Variants in FOXK1 observed in about 807,000 individuals in gnomAD.
The protein encoded by FOXK1 is forkhead box K1.
Under a neutral mutation model 51.9 loss-of-function variants are expected in FOXK1, and 19 were observed. That is an observed-to-expected ratio of 0.37 (90% CI 0.26 to 0.54). The LOEUF (loss-of-function observed/expected upper bound fraction) is 0.54. Ranked by LOEUF, FOXK1 falls within the 20% of genes least tolerant of loss-of-function variation. The pLI is 0.87. For missense variants in FOXK1, 870 were observed against 1,032.7 expected (o/e 0.84, Z 2.16); for synonymous variants, 537 against 482.6 (o/e 1.11, Z -1.48).
rs1358981797 is a variant in FOXK1 at position 4,709,662 on chromosome 7, A to G, written c.560+26794A>G. The stretch of plus-strand genomic sequence containing the variant: ...AATCATGAACTGGTTTTGCCGCAGT[A>G]AAGCGTAATTCACATGATACAAAAC... On this transcript the variant is annotated intron_variant, in intron 1 of 8. Coordinates refer to ENST00000328914, the MANE Select transcript of FOXK1 (RefSeq NM_001037165.2). This position sits in a 1 kb window ranked among gnomAD's most constrained non-coding sequence, Gnocchi z 5.6. Among the ~76,000 whole-genome samples, 1 of 152,250 alleles carries G rather than the reference A, an allele frequency of 6.6e-6. No homozygotes were observed. The highest frequency in any genetic ancestry group is 1.5e-5 in the Non-Finnish European group (1 of 68,044).
In FOXK1 at chr7:4,700,390, G is replaced by C. The variant is rs181997044; in HGVS notation, c.560+17522G>C. On this transcript the variant is annotated intron_variant, in intron 1 of 8. Coordinates refer to ENST00000328914, the MANE Select transcript of FOXK1 (RefSeq NM_001037165.2). Reference sequence around the variant, plus strand: ...CATTAGCTTAGCTTCTAAAGGTCTGGCTTTTGCTGAGTGCCCTTGGGCAAG... The same window carrying C: ...CATTAGCTTAGCTTCTAAAGGTCTGCCTTTTGCTGAGTGCCCTTGGGCAAG... Among the ~76,000 whole-genome samples the C allele has an allele frequency of 1.1e-4, 17 of 152,350 alleles. 1 individual carries two copies. The highest frequency in any genetic ancestry group is 1.5e-5 in the Non-Finnish European group (1 of 68,040).
At position 4,766,015 on chromosome 7, in the gene FOXK1, C is replaced by G. The variant is rs1781005654; in HGVS notation, c.*3551C>G. 6.6e-6 allele frequency: 1 copy of G among 152,268 alleles called. No individual in the cohort carries two copies. 9.4% of individuals were successfully genotyped at this position (152,268 alleles called of 1,614,324 possible). ...GAGGAGCTCAGGGAGACCTGGCTGT[C>G]TAGGGCATGGTACCCAGTATCCCGG... On this transcript the variant is annotated 3_prime_UTR_variant, in exon 9 of 9. Coordinates refer to ENST00000328914, the MANE Select transcript of FOXK1 (RefSeq NM_001037165.2). This position sits in a 1 kb window ranked among gnomAD's most constrained non-coding sequence, Gnocchi z 5.5.
intron 1 of FOXK1, among the ~76,000 whole-genome samples, chr7:4,699,239 A>G (rs1779990384): frequency 1.3e-5 from 2 of 150,236 alleles, no homozygotes; most frequent in Admixed American, 6.6e-5. Context: ...ACTCAGGTGG[A>G]GCATCTTTGG....
rs910268545 is a variant in FOXK1, at chr7:4,743,347, C to T, written c.746+2324C>T. 2.6e-5 allele frequency among the ~76,000 whole-genome samples: 4 copies of T among 152,118 alleles called. No homozygotes were observed. Among genetic ancestry groups the T allele is most frequent in the Admixed American group, 2.0e-4 (3 of 15,258 alleles). On this transcript the variant is annotated intron_variant, in intron 2 of 8. Coordinates refer to ENST00000328914, the MANE Select transcript of FOXK1 (RefSeq NM_001037165.2). The surrounding 1 kb of genome is among the most constrained non-coding windows in gnomAD (Gnocchi z 5.3). Reference sequence around the variant, plus strand: ...GCGGGTGGATCACTTGAAGCCAGTTCGAGATCAGCCTGGGCAACATGGTGA... The same window carrying T: ...GCGGGTGGATCACTTGAAGCCAGTTTGAGATCAGCCTGGGCAACATGGTGA...
chr7:4,745,164 C>T lies in FOXK1; in HGVS notation c.746+4141C>T, dbSNP rs1376604292. 6.6e-6 allele frequency among the ~76,000 whole-genome samples: 1 copy of T among 152,232 alleles called. No homozygotes were observed. The highest frequency in any genetic ancestry group is 2.4e-5 in the African/African-American group (1 of 41,460). ...GGGGCCAGGCCAGAAGAGCTGGCTG[C>T]CTGCAAGGCTGTCCCCTCCCAGTGC... On this transcript the variant is annotated intron_variant, in intron 2 of 8. Coordinates refer to ENST00000328914, the MANE Select transcript of FOXK1 (RefSeq NM_001037165.2). This position sits in a 1 kb window ranked among gnomAD's most constrained non-coding sequence, Gnocchi z 4.3.
intron 1 of FOXK1, among the ~76,000 whole-genome samples, chr7:4,706,222 G>A (rs1780100696): frequency 6.6e-6 from 1 of 151,942 alleles, no homozygotes; most frequent in Non-Finnish European, 1.5e-5. Flanking sequence ...CTATAGCAGG[G>A]ACTTGGCTGA....
chr7:4,765,268 A>T lies in FOXK1; in HGVS notation c.*2804A>T, dbSNP rs1780994924. 1 of 152,332 alleles carries T rather than the reference A, an allele frequency of 6.6e-6. No homozygotes were observed. Among genetic ancestry groups the T allele is most frequent in the Non-Finnish European group, 1.5e-5 (1 of 68,092 alleles). The allele number at this position is 152,332 out of a possible 1,614,324, so 9.4% of individuals were successfully genotyped here. On this transcript the variant is annotated 3_prime_UTR_variant, in exon 9 of 9. Transcript: ENST00000328914. Reference sequence around the variant, plus strand: ...GGAACTTGTCTTGGAACCGGTAGCCAGAGGCCCAGGAAGGGACAGGGCCCA... The same window carrying T: ...GGAACTTGTCTTGGAACCGGTAGCCTGAGGCCCAGGAAGGGACAGGGCCCA...
At chr7:4,705,183 T>C (rs1780068004) in intron 1 of FOXK1, among the ~76,000 whole-genome samples, 1 of 151,926 alleles carries the variant, frequency 6.6e-6, no homozygotes, top group African/African-American at 2.4e-5. Flanking sequence ...AAGTCAGAAT[T>C]TTATTGTTTT....
chr7:4,697,578 A>G (rs988851325), intron 1 of FOXK1, among the ~76,000 whole-genome samples: 9 of 151,794 alleles, frequency 5.9e-5, no homozygotes, highest in African/African-American at 9.7e-5. Flanking sequence ...ACAGACTTCT[A>G]CTCTTCCACA....
Position 4,761,107 on chromosome 7 carries a change from G to A in FOXK1, c.1740G>A (p.Ala580=), listed in dbSNP as rs780896615. ...KPTIAFATIP[A]AGGVIQTVAS... Reference sequence around the variant, plus strand: ...CCATTGCGTTTGCCACAATCCCCGCGGCTGGTGGAGTCATCCAGACGGTGG... The same window carrying A: ...CCATTGCGTTTGCCACAATCCCCGCAGCTGGTGGAGTCATCCAGACGGTGG... Residue 580 remains alanine, a synonymous_variant, in exon 8 of 9, where the codon GCG becomes GCA. Transcript: ENST00000328914. The surrounding 1 kb of genome is among the most constrained non-coding windows in gnomAD (Gnocchi z 6.2). The A allele has an allele frequency of 2.1e-5, 34 of 1,612,892 alleles. No homozygotes were observed. Among genetic ancestry groups the A allele is most frequent in the South Asian group, 1.9e-4 (17 of 91,074 alleles).
intron 2 of FOXK1, among the ~76,000 whole-genome samples, chr7:4,752,520 ATCACTGT>A (rs1410735104): frequency 2.0e-5 from 3 of 152,236 alleles, no homozygotes; most frequent in African/African-American, 4.8e-5. Context: ...GTGCTGGGCC[ATCACTGT>A]TTGTTGTGGA....
At chr7:4,737,382 G>T (rs1028409737) in intron 1 of FOXK1, among the ~76,000 whole-genome samples, 1 of 152,120 alleles carries the variant, frequency 6.6e-6, no homozygotes, top group Admixed American at 6.5e-5. Flanking sequence ...TTAAACATTT[G>T]TCATCATGAC....
chr7:4,752,739 G>A (rs1040637025), intron 2 of FOXK1, among the ~76,000 whole-genome samples: 1 of 152,218 alleles, frequency 6.6e-6, no homozygotes, highest in African/African-American at 2.4e-5. Flanking sequence ...AGTCCAAGGG[G>A]GACGTCCAGT....
chr7:4,762,293 G>C lies in FOXK1; in HGVS notation c.2031G>C (p.Ala677=). ...VGPKEPAAAV[A]ATATTTPATA... ...CCAAGGAGCCAGCAGCAGCCGTCGC[G>C]GCCACGGCCACCACCACCCCAGCCA... Residue 677 remains alanine (A), a synonymous_variant, in exon 9 of 9, where the codon GCG becomes GCC. Transcript: ENST00000328914. The surrounding 1 kb of genome is among the most constrained non-coding windows in gnomAD (Gnocchi z 5.7). The C allele has an allele frequency of 2.6e-6, 4 of 1,550,336 alleles. No homozygotes were observed. The highest frequency in any genetic ancestry group is 3.5e-6 in the Non-Finnish European group (4 of 1,146,792).
intron 2 of FOXK1, among the ~76,000 whole-genome samples, chr7:4,744,420 A>G (rs1393359474): frequency 6.6e-6 from 1 of 152,072 alleles, no homozygotes; most frequent in Non-Finnish European, 1.5e-5. Flanking sequence ...CTCCCTGCTT[A>G]GGAGTCCCAG....
At position 4,731,589 on chromosome 7, in the gene FOXK1, A is replaced by G. The variant is rs112175497; in HGVS notation, c.561-9249A>G. Among the ~76,000 whole-genome samples, 10,590 of 151,988 alleles carry G rather than the reference A, an allele frequency of 0.07. 474 individuals are homozygous for G. Among genetic ancestry groups the G allele is most frequent in the African/African-American group, 0.12 (4,824 of 41,446 alleles). On this transcript the variant is annotated intron_variant, in intron 1 of 8. Coordinates refer to ENST00000328914, the MANE Select transcript of FOXK1 (RefSeq NM_001037165.2). The surrounding 1 kb of genome is among the most constrained non-coding windows in gnomAD (Gnocchi z 5.3). ...AGCCTGGCCAACATGGTGAAACCCC[A>G]TCTCTACTAAAAATACAAAAATTAG...
intron 1 of FOXK1, among the ~76,000 whole-genome samples, chr7:4,714,140 C>G (rs1296729403): frequency 1.3e-5 from 2 of 152,046 alleles, no homozygotes; most frequent in East Asian, 1.9e-4. Flanking sequence ...GATTTCTTAC[C>G]CATCTTTAAG....
intron 1 of FOXK1, among the ~76,000 whole-genome samples, chr7:4,705,960 GTA>G (rs58287661): frequency 0.11 from 13,897 of 129,834 alleles, 3,134 homozygotes; most frequent in African/African-American, 0.4. Context: ...ATATATATAT[GTA>G]TATATATATA....
chr7:4,702,672 T>A (rs73303351), intron 1 of FOXK1, among the ~76,000 whole-genome samples: 11,423 of 152,096 alleles, frequency 0.075, 1,300 homozygotes, highest in African/African-American at 0.25. Flanking sequence ...TTCACGCGAG[T>A]TTTCAGGTTT....
Sources: allele counts gnomAD v4.1 joint callset (sites outside exome capture counted in the v4.1 genomes callset), GRCh38; gene constraint gnomAD v4.1.1; non-coding constraint Gnocchi (gnomAD v3.1); transcripts MANE v1.5; gene names NCBI Gene and HGNC (gene_info 2026-07-23, HGNC 2026-07-21).